ME1: variants seen among roughly 807,000 people sequenced by gnomAD.
ME1 encodes the protein malic enzyme 1.
Under a neutral mutation model 66.4 loss-of-function variants are expected in ME1, and 74 were observed. The observed-to-expected ratio is 1.11, with a 90% CI of 0.92 to 1.35. The LOEUF (loss-of-function observed/expected upper bound fraction) is 1.35. Among genes scored for constraint, ME1 ranks in the 40% most tolerant of loss-of-function variants. The pLI is 0.00. For missense variants in ME1, 750 were observed against 694.1 expected, an observed-to-expected ratio of 1.08 and a Z score of -0.90; for synonymous variants, 251 against 235.6, an observed-to-expected ratio of 1.07 and a Z score of -0.60.
intron 3 of ME1, among the ~76,000 whole-genome samples, chr6:83,382,859 C>A (rs1769433521): frequency 6.6e-6 from 1 of 151,766 alleles, no homozygotes; most frequent in Non-Finnish European, 1.5e-5. Context: ...GGCATAGTAC[C>A]CAGATGTTTG....
intron 12 of ME1, among the ~76,000 whole-genome samples, chr6:83,221,807 T>A (rs1790096510): frequency 6.6e-6 from 1 of 151,946 alleles, no homozygotes; most frequent in African/African-American, 2.4e-5. Context: ...AAACTCTTAC[T>A]TAAAAGGGAG....
chr6:83,390,434 A>C (rs1208066255), intron 3 of ME1, among the ~76,000 whole-genome samples: 2 of 152,184 alleles, frequency 1.3e-5, no homozygotes, highest in Admixed American at 6.5e-5. Context: ...AAATTCATCT[A>C]TATGCTAATG....
intron 6 of ME1, among the ~76,000 whole-genome samples, chr6:83,293,327 T>C (rs1767537633): frequency 6.6e-6 from 1 of 152,190 alleles, no homozygotes. Flanking sequence ...AAATGTTAAG[T>C]GTATTCACAG....
chr6:83,359,892 G>T (rs1768975500), intron 3 of ME1, among the ~76,000 whole-genome samples: 1 of 152,330 alleles, frequency 6.6e-6, no homozygotes, highest in Non-Finnish European at 1.5e-5. Flanking sequence ...TGGATCCTGA[G>T]GTGGCAGGGG....
chr6:83,283,175 CCGAGATCG>C, intron 6 of ME1, among the ~76,000 whole-genome samples: 1 of 138,082 alleles, frequency 7.2e-6, no homozygotes, highest in Non-Finnish European at 1.5e-5. Flanking sequence ...TTGCAGTGAG[CCGAGATCG>C]CGCCACTGCA....
At chr6:83,356,539 G>A (rs1583398262) in intron 3 of ME1, among the ~76,000 whole-genome samples, 1 of 152,030 alleles carries the variant, frequency 6.6e-6, no homozygotes, top group Non-Finnish European at 1.5e-5. Flanking sequence ...GAAGGCCAAG[G>A]AAAAACATTA....
chr6:83,323,384 T>C (rs1039200251), intron 5 of ME1, among the ~76,000 whole-genome samples: 1 of 151,974 alleles, frequency 6.6e-6, no homozygotes, highest in African/African-American at 2.4e-5. Flanking sequence ...TCAATACCCA[T>C]CAGTGTGCTG....
chr6:83,233,510 T>A (rs1041811959), intron 9 of ME1, among the ~76,000 whole-genome samples: 2 of 152,044 alleles, frequency 1.3e-5, no homozygotes, highest in East Asian at 3.9e-4. Context: ...GAAAATGCTA[T>A]GCCTGTGATG....
intron 7 of ME1, among the ~76,000 whole-genome samples, chr6:83,251,469 G>C (rs552817916): frequency 1.0e-3 from 158 of 151,326 alleles, no homozygotes; most frequent in African/African-American, 3.3e-3. Flanking sequence ...ACTCCAGCCC[G>C]GGCAATAGAG....
intron 5 of ME1, among the ~76,000 whole-genome samples, chr6:83,329,535 CTA>C (rs1358124436): frequency 2.6e-5 from 4 of 151,984 alleles, no homozygotes; most frequent in Non-Finnish European, 5.9e-5. Context: ...CATATCATGC[CTA>C]TATCATGAAA....
At chr6:83,323,934 G>C (rs1301267968) in intron 5 of ME1, among the ~76,000 whole-genome samples, 1 of 152,106 alleles carries the variant, frequency 6.6e-6, no homozygotes, top group African/African-American at 2.4e-5. Context: ...CCCACAATTA[G>C]AGGGAAAACA....
At chr6:83,251,699 T>C (rs1790727955) in intron 7 of ME1, among the ~76,000 whole-genome samples, 1 of 152,054 alleles carries the variant, frequency 6.6e-6, no homozygotes, top group East Asian at 1.9e-4. Context: ...GGCTAGACCC[T>C]TAAATAAGAA....
At chr6:83,239,973 G>A (rs2128525936) in intron 7 of ME1, among the ~76,000 whole-genome samples, 1 of 152,168 alleles carries the variant, frequency 6.6e-6, no homozygotes. Context: ...AGAAATTATT[G>A]TGTACATCAA....
At chr6:83,393,564 G>T (rs952640930) in intron 3 of ME1, among the ~76,000 whole-genome samples, 1 of 143,050 alleles carries the variant, frequency 7.0e-6, no homozygotes. Context: ...AGCCGAGGGA[G>T]CCCCACCTTT....
At chr6:83,420,406 C>A (rs796372312) in intron 1 of ME1, among the ~76,000 whole-genome samples, 5 of 152,248 alleles carry the variant, frequency 3.3e-5, no homozygotes, top group African/African-American at 9.6e-5. Flanking sequence ...TCAGTTAGGA[C>A]CATGAAGTGA....
At chr6:83,329,384 C>T (rs1768362641) in intron 5 of ME1, among the ~76,000 whole-genome samples, 1 of 152,104 alleles carries the variant, frequency 6.6e-6, no homozygotes, top group Non-Finnish European at 1.5e-5. Context: ...ATGATGAAAG[C>T]TTTCGTGTCA....
intron 6 of ME1, among the ~76,000 whole-genome samples, chr6:83,298,091 T>G (rs1401952621): frequency 1.3e-5 from 2 of 152,182 alleles, no homozygotes; most frequent in Non-Finnish European, 2.9e-5. Flanking sequence ...AATGGGATTG[T>G]TGGGTCAAAT....
Position 83,346,241 on chromosome 6 carries a change from T to C in ME1, c.532A>G (p.Thr178Ala), listed in dbSNP as rs1159811005. Residue 178 changes from threonine to alanine, a missense_variant, in exon 5 of 14, where the codon ACA (threonine) becomes GCA (alanine). By Grantham distance (58) the Thr-to-Ala change is moderately conservative. Coordinates refer to ENST00000369705, the MANE Select transcript of ME1 (RefSeq NM_002395.6). ...TGAGGATTCATCCCTCCGCAAGCTGTATATAGAGCCAATTTACCCACAGGG... is the reference window on the plus strand; with the variant it reads ...TGAGGATTCATCCCTCCGCAAGCTGCATATAGAGCCAATTTACCCACAGGG... The part of the protein sequence containing the change: ...GIPVGKLALY[T>A]ACGGMNPQEC... 6.2e-7 allele frequency: 1 copy of C among 1,613,628 alleles called. No individual in the cohort carries two copies. The highest frequency in any genetic ancestry group is 8.5e-7 in the Non-Finnish European group (1 of 1,179,688).
chr6:83,303,493 G>C (rs1767767763), intron 6 of ME1, among the ~76,000 whole-genome samples: 1 of 152,082 alleles, frequency 6.6e-6, no homozygotes, highest in Non-Finnish European at 1.5e-5. Context: ...GGTAGCAAGG[G>C]AAAGCTAAAG....
Sources: gnomAD v4.1 joint callset for allele counts (sites outside exome capture counted in the v4.1 genomes callset) on GRCh38, gnomAD v4.1.1 for gene constraint, MANE v1.5 for transcripts, NCBI Gene and HGNC (gene_info 2026-07-23, HGNC 2026-07-21) for gene names.